CCDC83: variants seen among roughly 807,000 people sequenced by gnomAD.
The protein encoded by CCDC83 is coiled-coil domain-containing protein 83.
In CCDC83, 54 loss-of-function variants were observed where a neutral mutation model predicts 50.1. That is an observed-to-expected ratio of 1.08 (90% confidence interval 0.87 to 1.35). The LOEUF (loss-of-function observed/expected upper bound fraction) is 1.35, where lower values mean the gene tolerates loss of function less well. Among genes scored for constraint, CCDC83 ranks in the 40% most tolerant of loss-of-function variants. The probability of loss-of-function intolerance (pLI) is 0.00; values close to 1 mark genes in which losing one functional copy is unlikely to be tolerated. For missense variants in CCDC83, 518 were observed against 473.9 expected (o/e 1.09, Z -0.86); for synonymous variants, 161 against 153.3 (o/e 1.05, Z -0.37).
rs200004481 is a variant in CCDC83, at chr11:85,878,102, TTTAG to T, written c.181-4407_181-4404del. On this transcript the variant is annotated intron_variant, in intron 3 of 10. Coordinates refer to ENST00000342404, the MANE Select transcript of CCDC83 (RefSeq NM_001286159.2). ...TGTTAATATTCATTGGCCTTCATTT[TTTAG>T]TTAAACTTCATTTTGAAATAAGTAT... Among the ~76,000 whole-genome samples the T allele has an allele frequency of 7.2e-3, 1,097 of 152,358 alleles. 42 individuals carry two copies. The highest frequency in any genetic ancestry group is 0.064 in the Admixed American group (984 of 15,298).
chr11:85,875,589 C>T (rs192540808), intron 3 of CCDC83, among the ~76,000 whole-genome samples: 96 of 152,302 alleles, frequency 6.3e-4, no homozygotes, highest in African/African-American at 2.3e-3. Context: ...AAACAGCAAG[C>T]TTTTTAGACA....
At chr11:85,885,153 G>A (rs1264625735) in intron 4 of CCDC83, among the ~76,000 whole-genome samples, 1 of 152,024 alleles carries the variant, frequency 6.6e-6, no homozygotes, top group Non-Finnish European at 1.5e-5. Flanking sequence ...GGTGGAGGTT[G>A]CAGTGAGCCG....
chr11:85,859,395 G>T (rs1007883445), intron 1 of CCDC83, among the ~76,000 whole-genome samples: 2 of 152,076 alleles, frequency 1.3e-5, no homozygotes, highest in East Asian at 3.8e-4. Flanking sequence ...AAAGCCAGGG[G>T]AATCACACTA....
At chr11:85,871,800 G>A (rs995170834) in intron 2 of CCDC83, among the ~76,000 whole-genome samples, 2 of 152,044 alleles carry the variant, frequency 1.3e-5, no homozygotes, top group African/African-American at 4.8e-5. Context: ...TACTACAGAG[G>A]TACTATATTT....
Position 85,886,365 on chromosome 11 carries a change from C to A in CCDC83, c.509C>A (p.Ser170Ter). The A allele has an allele frequency of 6.3e-7, 1 of 1,581,846 alleles. No individual in the cohort carries two copies. The highest frequency in any genetic ancestry group is 1.2e-5 in the South Asian group (1 of 84,686). The change falls in exon 5 of 11, where the codon TCA becomes TAA. Residue 170 changes from serine (S) to a stop codon, truncating the protein, a stop_gained and splice_region_variant. Transcript: ENST00000342404. LOFTEE classifies it high-confidence loss of function. ...NTVKENAEKM[S>*]EHYKITLEDT... Reference sequence around the variant, plus strand: ...GTTAAAGAGAATGCAGAGAAAATGTCAGGTCAGTTGCAACAAAACTAGTTC... The same window carrying A: ...GTTAAAGAGAATGCAGAGAAAATGTAAGGTCAGTTGCAACAAAACTAGTTC...
rs1197302037 is a variant in CCDC83, at chr11:85,919,532, C to T, written c.*22C>T. ...CTAAGACGGAAAGCTGCAAAGGAAA[C>T]ACAACTTTTCCTTATAAATGTTCTT... On this transcript the variant is annotated 3_prime_UTR_variant, in exon 11 of 11. Transcript: ENST00000342404. 1 of 1,563,118 alleles carries T rather than the reference C, an allele frequency of 6.4e-7. No individual in the cohort carries two copies. Among genetic ancestry groups the T allele is most frequent in the Non-Finnish European group, 8.7e-7 (1 of 1,147,386 alleles).
rs757970499 is a variant in CCDC83, at chr11:85,882,659, G to C, written c.327G>C (p.Gln109His). ...AAAAATGGAAGTTTGAAAGAGACCA[G>C]GAAAAAAACTTGAGAGGTGATTTAG... ...MKEKWKFERD[Q>H]EKNLRDMRMQ... is the part of the protein sequence containing the mutation. Residue 109 changes from glutamine to histidine, a missense_variant, in exon 4 of 11, where the codon CAG becomes CAC. Physicochemically the swap from Gln to His is conservative, Grantham distance 24. Coordinates refer to ENST00000342404, the MANE Select transcript of CCDC83 (RefSeq NM_001286159.2). The C allele has an allele frequency of 5.6e-6, 9 of 1,612,582 alleles. No individual in the cohort carries two copies. Among genetic ancestry groups the C allele is most frequent in the Non-Finnish European group, 7.6e-6 (9 of 1,179,532 alleles).
At chr11:85,908,456 C>G (rs192784621) in intron 7 of CCDC83, among the ~76,000 whole-genome samples, 1 of 152,090 alleles carries the variant, frequency 6.6e-6, no homozygotes, top group East Asian at 1.9e-4. Context: ...GAGGCTGAGG[C>G]AGGAGAATCG....
Position 85,864,066 on chromosome 11 carries a change from A to G in CCDC83, c.-28-1030A>G, listed in dbSNP as rs71465607. ...TAACCTATTCAGGGTCACAGAGATAACAGTGATGGATCTAGGATTAAAGCC... is the reference window on the plus strand; with the variant it reads ...TAACCTATTCAGGGTCACAGAGATAGCAGTGATGGATCTAGGATTAAAGCC... On this transcript the variant is annotated intron_variant, in intron 1 of 10. Coordinates refer to ENST00000342404, the MANE Select transcript of CCDC83 (RefSeq NM_001286159.2). Among the ~76,000 whole-genome samples the G allele has an allele frequency of 7.2e-5, 11 of 152,226 alleles. 1 individual carries two copies. Among genetic ancestry groups the G allele is most frequent in the Non-Finnish European group, 5.9e-5 (4 of 68,034 alleles).
intron 5 of CCDC83, among the ~76,000 whole-genome samples, chr11:85,887,950 G>A (rs778262834): frequency 9.2e-5 from 14 of 151,896 alleles, no homozygotes; most frequent in Non-Finnish European, 1.5e-4. Flanking sequence ...CAGCAGGTAT[G>A]TGCCACCATA....
At chr11:85,898,855 A>T in intron 6 of CCDC83, 92 bp from the exon 7 acceptor site, 2 of 890,796 alleles carry the variant, frequency 2.2e-6, no homozygotes, top group Non-Finnish European at 3.7e-6. Context: ...ACACAATCTA[A>T]AATGAATGAT....
intron 5 of CCDC83, among the ~76,000 whole-genome samples, chr11:85,891,036 G>T (rs930632067): frequency 6.6e-6 from 1 of 152,154 alleles, no homozygotes; most frequent in Admixed American, 6.5e-5. Flanking sequence ...AAGACAGAAT[G>T]ATATCAGCGG....
chr11:85,869,324 T>C (rs1393316651), intron 2 of CCDC83, among the ~76,000 whole-genome samples: 1 of 152,208 alleles, frequency 6.6e-6, no homozygotes, highest in Non-Finnish European at 1.5e-5. Flanking sequence ...ACTAAATCTA[T>C]AAAGTGATCA....
intron 5 of CCDC83, among the ~76,000 whole-genome samples, chr11:85,893,708 T>C (rs909083262): frequency 1.3e-5 from 2 of 152,184 alleles, no homozygotes; most frequent in Admixed American, 6.5e-5. Context: ...TAGATTCTTT[T>C]AGGAGCGCAA....
At chr11:85,861,142 T>A (rs918241992) in intron 1 of CCDC83, among the ~76,000 whole-genome samples, 1 of 152,232 alleles carries the variant, frequency 6.6e-6, no homozygotes, top group Non-Finnish European at 1.5e-5. Context: ...TTTATAGAAG[T>A]AGTTAGGTGT....
At chr11:85,873,177 G>T (rs376319720) in intron 2 of CCDC83, 34 bp from the exon 3 acceptor site, 30 of 1,142,044 alleles carry the variant, frequency 2.6e-5, no homozygotes, top group Non-Finnish European at 3.8e-5. Context: ...TAAGATAAAT[G>T]ATTCTAACAC....
intron 3 of CCDC83, among the ~76,000 whole-genome samples, chr11:85,882,264 AC>A (rs2093304384): frequency 1.3e-5 from 2 of 152,128 alleles, no homozygotes; most frequent in Admixed American, 1.3e-4. Context: ...TGAAACCTGG[AC>A]ATTTTTTTAA....
At chr11:85,905,442 CAAAAA>C (rs141344643) in intron 7 of CCDC83, among the ~76,000 whole-genome samples, 2 of 106,128 alleles carry the variant, frequency 1.9e-5, no homozygotes, top group Admixed American at 1.0e-4. Context: ...AACTCCGCCT[CAAAAA>C]AAAAAAAAAA....
At chr11:85,895,536 T>C in intron 6 of CCDC83, 152 bp downstream of exon 6, 3 of 537,146 alleles carry the variant, frequency 5.6e-6, no homozygotes, top group Non-Finnish European at 6.7e-6. Context: ...ATTAAAAGTT[T>C]TGAACGATTT....
Sources: gnomAD v4.1 joint callset for allele counts (sites outside exome capture counted in the v4.1 genomes callset) on GRCh38, gnomAD v4.1.1 for gene constraint, MANE v1.5 for transcripts, NCBI Gene and HGNC (gene_info 2026-07-23, HGNC 2026-07-21) for gene names.